The following ATP8A2 variants were observed in gnomAD, a reference collection of about 807,000 sequenced individuals.
ATP8A2 encodes the protein ATPase phospholipid transporting 8A2.
Under a neutral mutation model 165.6 loss-of-function variants are expected in ATP8A2, and 100 were observed. The ratio of observed to expected loss-of-function variants is 0.60; its 90% CI spans 0.51 to 0.71. The LOEUF (loss-of-function observed/expected upper bound fraction) is 0.71. ATP8A2 is among the 30% of genes least tolerant of loss of function. ATP8A2 has a pLI of 0.00. For synonymous variants in ATP8A2, 543 were observed against 548.8 expected, an observed-to-expected ratio of 0.99 and a Z score of 0.15; for missense variants, 1,227 against 1,479.5, an observed-to-expected ratio of 0.83 and a Z score of 2.80.
intron 27 of ATP8A2, among the ~76,000 whole-genome samples, chr13:25,782,255 T>G (rs140029746): frequency 7.9e-5 from 12 of 152,378 alleles, no homozygotes; most frequent in Non-Finnish European, 1.3e-4. Flanking sequence ...TTACAGCTTT[T>G]ATTTGAAGGA....
At chr13:25,555,101 GAC>G (rs763231357) in intron 13 of ATP8A2, 33 bp downstream of exon 13, 1 of 1,493,106 alleles carries the variant, frequency 6.7e-7, no homozygotes, top group South Asian at 1.1e-5. Flanking sequence ...TGGGAATGGT[GAC>G]ACGAGCATGA....
intron 24 of ATP8A2, among the ~76,000 whole-genome samples, chr13:25,638,412 A>G (rs1000742150): frequency 3.3e-5 from 5 of 152,226 alleles, no homozygotes; most frequent in African/African-American, 1.2e-4. Flanking sequence ...AAGTCCTTAA[A>G]TGACCTAATA....
chr13:25,921,038 C>G (rs913545828), intron 33 of ATP8A2, among the ~76,000 whole-genome samples: 4 of 152,112 alleles, frequency 2.6e-5, no homozygotes, highest in Non-Finnish European at 5.9e-5. Flanking sequence ...CCACTGCACT[C>G]CAGCTTGGGC....
chr13:25,861,286 T>C (rs879286612), intron 32 of ATP8A2, among the ~76,000 whole-genome samples: 1 of 152,232 alleles, frequency 6.6e-6, no homozygotes, highest in Non-Finnish European at 1.5e-5. Context: ...AGATGATGCA[T>C]TATAAAACAT....
intron 24 of ATP8A2, chr13:25,649,096 G>A (rs114665309): frequency 0.031 from 14,721 of 473,070 alleles, 416 homozygotes; most frequent in East Asian, 0.12. Context: ...GTGTCCTTGC[G>A]TTGGTGTTTG....
At chr13:25,937,848 CAAAAAAAAA>C (rs57258286) in intron 33 of ATP8A2, among the ~76,000 whole-genome samples, 31 of 83,570 alleles carry the variant, frequency 3.7e-4, no homozygotes, top group African/African-American at 1.4e-3. Flanking sequence ...GACTCCGTCT[CAAAAAAAAA>C]AAAAAAAAAA....
At chr13:25,793,479 T>C (rs919745243) in intron 27 of ATP8A2, among the ~76,000 whole-genome samples, 3 of 152,240 alleles carry the variant, frequency 2.0e-5, no homozygotes, top group Admixed American at 6.5e-5. Context: ...CTATACGCTA[T>C]GTTTAATGCC....
chr13:25,907,124 G>A (rs147221582), intron 33 of ATP8A2, among the ~76,000 whole-genome samples: 58 of 152,256 alleles, frequency 3.8e-4, no homozygotes, highest in African/African-American at 1.2e-3. Flanking sequence ...CAGCTACTCC[G>A]GAGGCTGAGG....
At chr13:25,821,825 T>G (rs1951189171) in intron 27 of ATP8A2, among the ~76,000 whole-genome samples, 1 of 152,124 alleles carries the variant, frequency 6.6e-6, no homozygotes, top group South Asian at 2.1e-4. Context: ...GGTGTGACAG[T>G]AAAAAACATT....
chr13:25,952,037 GGT>G (rs1566297854), intron 33 of ATP8A2, among the ~76,000 whole-genome samples: 2 of 152,118 alleles, frequency 1.3e-5, no homozygotes, highest in Admixed American at 6.5e-5. Context: ...ATTGGGATCG[GGT>G]GTGTGGGTGG....
At chr13:25,818,117 A>G (rs1951076259) in intron 27 of ATP8A2, among the ~76,000 whole-genome samples, 1 of 152,210 alleles carries the variant, frequency 6.6e-6, no homozygotes, top group African/African-American at 2.4e-5. Context: ...CATATTAGCA[A>G]AAGATTGCAA....
Position 25,520,856 on chromosome 13 carries a change from T to C in ATP8A2, c.222-9143T>C, listed in dbSNP as rs1228194901. Among the ~76,000 whole-genome samples the C allele has an allele frequency of 3.9e-5, 6 of 152,270 alleles. No homozygotes were observed. The East Asian group carries it at 5.8e-4, about 15-fold the overall frequency. On this transcript the variant is annotated intron_variant, in intron 2 of 36. Coordinates refer to ENST00000381655, the MANE Select transcript of ATP8A2 (RefSeq NM_016529.6). Reference sequence around the variant, plus strand: ...GTCTCGATTTCCTGACCTCGTGGTCTGCCCGCCTTGGCCTCCCAAAGTGTT... The same window carrying C: ...GTCTCGATTTCCTGACCTCGTGGTCCGCCCGCCTTGGCCTCCCAAAGTGTT...
chr13:25,587,912 G>A (rs867857416), intron 23 of ATP8A2, among the ~76,000 whole-genome samples: 1 of 152,142 alleles, frequency 6.6e-6, no homozygotes, highest in African/African-American at 2.4e-5. Context: ...TTAAAATACA[G>A]ACTTGAACTA....
intron 27 of ATP8A2, among the ~76,000 whole-genome samples, chr13:25,783,738 A>G (rs1181668503): frequency 1.3e-5 from 2 of 152,208 alleles, no homozygotes; most frequent in Non-Finnish European, 2.9e-5. Context: ...TGCCTTTCCC[A>G]TCCATGTTCT....
Position 25,877,536 on chromosome 13 carries a change from T to A in ATP8A2, c.3183+15128T>A, listed in dbSNP as rs1279009337. Among the ~76,000 whole-genome samples the A allele has an allele frequency of 2.0e-5, 3 of 152,184 alleles. No individual in the cohort carries two copies. The East Asian group carries it at 5.8e-4, about 29-fold the overall frequency. Reference sequence around the variant, plus strand: ...TGTCTCTTGCCTTCTTTAAGTTAGTTCTTAGTTGTCTTTCCTTTTGATGTC... The same window carrying A: ...TGTCTCTTGCCTTCTTTAAGTTAGTACTTAGTTGTCTTTCCTTTTGATGTC... On this transcript the variant is annotated intron_variant, in intron 33 of 36. Coordinates refer to ENST00000381655, the MANE Select transcript of ATP8A2 (RefSeq NM_016529.6).
At chr13:25,941,506 C>T (rs1324412) in intron 33 of ATP8A2, among the ~76,000 whole-genome samples, 135,795 of 152,136 alleles carry the variant, frequency 0.89, 60,772 homozygotes, top group East Asian at 1. Flanking sequence ...TTACCTGCGC[C>T]GAAATGGATC....
At chr13:25,920,409 A>G (rs763167945) in intron 33 of ATP8A2, among the ~76,000 whole-genome samples, 1 of 152,122 alleles carries the variant, frequency 6.6e-6, no homozygotes, top group African/African-American at 2.4e-5. Flanking sequence ...ATTAACACAC[A>G]CACACACATC....
intron 27 of ATP8A2, among the ~76,000 whole-genome samples, chr13:25,776,723 T>C (rs2765751): frequency 0.19 from 28,290 of 152,158 alleles, 2,695 homozygotes; most frequent in Middle Eastern, 0.22. Context: ...CGTAGGGTCA[T>C]GGACCATCGT....
At position 25,744,925 on chromosome 13, in the gene ATP8A2, T is replaced by TTTTTCTTTTCTTTTCTTTTC. The variant is rs376668495; in HGVS notation, c.2385-24111_2385-24092dup. Among the ~76,000 whole-genome samples, 351 of 151,650 alleles carry TTTTTCTTTTCTTTTCTTTTC rather than the reference T, an allele frequency of 2.3e-3. 2 individuals carry two copies. Among genetic ancestry groups the TTTTTCTTTTCTTTTCTTTTC allele is most frequent in the African/African-American group, 8.1e-3 (335 of 41,262 alleles). ...GGGGAGCACTAGAGCAGGGGCCCAG[T>TTTTTCTTTTCTTTTCTTTTC]TTTTCTTTTCTTTTCTTTTCTTTTC... is the stretch of plus-strand genomic sequence containing the variant. On this transcript the variant is annotated intron_variant, in intron 25 of 36. Transcript: ENST00000381655.
Sources: gnomAD v4.1 joint callset for allele counts (sites outside exome capture counted in the v4.1 genomes callset) on GRCh38, gnomAD v4.1.1 for gene constraint, MANE v1.5 for transcripts, NCBI Gene and HGNC (gene_info 2026-07-23, HGNC 2026-07-21) for gene names.